The following SOX6 variants were observed in gnomAD, a reference collection of about 807,000 sequenced individuals.
SOX6 encodes SRY-box transcription factor 6.
Under a neutral mutation model 97.8 loss-of-function variants are expected in SOX6, and 11 were observed. The observed-to-expected ratio is 0.11, with a 90% CI of 0.07 to 0.19. The LOEUF is 0.19. Among genes scored for constraint, SOX6 ranks in the 10% least tolerant of loss-of-function variants. SOX6 has a pLI of 1.00. For synonymous variants in SOX6, 360 were observed against 371.4 expected (o/e 0.97, Z 0.35); for missense variants, 810 against 1,039.5 (o/e 0.78, Z 3.04).
intron 4 of SOX6, among the ~76,000 whole-genome samples, chr11:16,493,539 A>G (rs1047807329): frequency 2.6e-5 from 4 of 152,198 alleles, no homozygotes; most frequent in African/African-American, 9.7e-5. Flanking sequence ...CGGGTAATAT[A>G]AACATTCTAC....
intron 4 of SOX6, among the ~76,000 whole-genome samples, chr11:16,523,539 T>C (rs1489367512): frequency 6.6e-6 from 1 of 151,550 alleles, no homozygotes; most frequent in Non-Finnish European, 1.5e-5. Flanking sequence ...AGGAAAGATC[T>C]AAAATTGACA....
At chr11:16,085,355 T>C (rs941768055) in intron 9 of SOX6, among the ~76,000 whole-genome samples, 2 of 152,134 alleles carry the variant, frequency 1.3e-5, no homozygotes, top group Non-Finnish European at 2.9e-5. Flanking sequence ...GCAGACCAAG[T>C]GATAAACTAT....
chr11:16,091,442 C>T (rs2133968078), intron 9 of SOX6, among the ~76,000 whole-genome samples: 1 of 152,052 alleles, frequency 6.6e-6, no homozygotes, highest in Middle Eastern at 3.4e-3. Flanking sequence ...TTTACAATTG[C>T]AAATAAGAAG....
At chr11:16,232,360 GAATA>G (rs1852879289) in intron 4 of SOX6, among the ~76,000 whole-genome samples, 1 of 151,636 alleles carries the variant, frequency 6.6e-6, no homozygotes, top group Admixed American at 6.6e-5. Context: ...TGATAATGGA[GAATA>G]AATAAAGATA....
At chr11:16,497,151 C>G (rs1860614221) in intron 4 of SOX6, among the ~76,000 whole-genome samples, 1 of 152,180 alleles carries the variant, frequency 6.6e-6, no homozygotes, top group Non-Finnish European at 1.5e-5. Flanking sequence ...GCAACATTTG[C>G]TGTTCACCAA....
In SOX6 at chr11:15,972,974, C is replaced by T. The variant is rs1421836679; in HGVS notation, c.2322G>A (p.Pro774=). 3.3e-5 allele frequency: 54 copies of T among 1,614,062 alleles called. No homozygotes were observed. The highest frequency in any genetic ancestry group is 5.0e-5 in the Admixed American group (3 of 59,990). The change falls in exon 16 of 16, where the codon CCG becomes CCA. Residue 774 remains proline (P), a synonymous_variant. Coordinates refer to ENST00000683767, the MANE Select transcript of SOX6 (RefSeq NM_001367873.1). ...TCATACCATAAGTGCTCTGGATGAC[C>T]GGGAGGCTGGGCTCCGGGCTGGCCG... ...STSASPEPSL[P]VIQSTYGMKT...
intron 4 of SOX6, among the ~76,000 whole-genome samples, chr11:16,526,067 T>A (rs1590233701): frequency 6.6e-6 from 1 of 152,098 alleles, no homozygotes; most frequent in African/African-American, 2.4e-5. Flanking sequence ...ATTGTGGAAG[T>A]CAGTGTGGCG....
At chr11:16,481,178 T>A (rs1176753673), upstream of SOX6, among the ~76,000 whole-genome samples, 4 of 152,160 alleles carry the variant, frequency 2.6e-5, no homozygotes, top group Non-Finnish European at 5.9e-5. Context: ...ATTAAACCCA[T>A]GTTTATTGAA....
chr11:16,648,156 G>A (rs1423060465), intron 3 of SOX6, among the ~76,000 whole-genome samples: 1 of 152,050 alleles, frequency 6.6e-6, no homozygotes, highest in Admixed American at 6.5e-5. Flanking sequence ...TCATGGCCTG[G>A]GGTAAGGTTT....
At chr11:16,568,783 A>C (rs1847904639) in intron 4 of SOX6, among the ~76,000 whole-genome samples, 1 of 152,186 alleles carries the variant, frequency 6.6e-6, no homozygotes, top group Non-Finnish European at 1.5e-5. Context: ...AAAAATATTC[A>C]TAACATTATA....
intron 3 of SOX6, among the ~76,000 whole-genome samples, chr11:16,693,645 T>A (rs1213712886): frequency 1.3e-5 from 2 of 152,164 alleles, no homozygotes; most frequent in Non-Finnish European, 2.9e-5. Context: ...ATGTTCTTTG[T>A]CACAATTTTC....
intron 3 of SOX6, among the ~76,000 whole-genome samples, chr11:16,617,086 T>TA (rs1311283016): frequency 1.9e-4 from 29 of 151,870 alleles, no homozygotes; most frequent in Non-Finnish European, 8.9e-5. Flanking sequence ...AAATGAAAGC[T>TA]AAAAAATAAG....
At chr11:16,120,953 T>C (rs1247947188) in intron 6 of SOX6, among the ~76,000 whole-genome samples, 1 of 149,974 alleles carries the variant, frequency 6.7e-6, no homozygotes, top group Middle Eastern at 3.4e-3. Flanking sequence ...GTACATGTTT[T>C]AAAAATCTTC....
At chr11:16,620,755 TGAAG>T (rs1848535059) in intron 3 of SOX6, among the ~76,000 whole-genome samples, 1 of 152,118 alleles carries the variant, frequency 6.6e-6, no homozygotes, top group African/African-American at 2.4e-5. Context: ...AATAGAAAAA[TGAAG>T]TACCAACCCA....
chr11:16,407,094 T>C (rs1858702208), intron 1 of SOX6, among the ~76,000 whole-genome samples: 1 of 152,116 alleles, frequency 6.6e-6, no homozygotes, highest in Admixed American at 6.6e-5. Context: ...GATGCTTCCC[T>C]TCCACTGACA....
At chr11:16,516,821 C>G (rs1428784870) in intron 4 of SOX6, among the ~76,000 whole-genome samples, 1 of 151,388 alleles carries the variant, frequency 6.6e-6, no homozygotes, top group Non-Finnish European at 1.5e-5. Flanking sequence ...CTCCCTAACT[C>G]ATTTTATGAG....
chr11:16,222,291 T>C (rs879626536), intron 4 of SOX6, among the ~76,000 whole-genome samples: 9 of 152,136 alleles, frequency 5.9e-5, no homozygotes, highest in African/African-American at 1.7e-4. Context: ...TAGCTCACTG[T>C]AGCCCTGAAC....
At chr11:16,531,441 G>A (rs1158797696) in intron 4 of SOX6, among the ~76,000 whole-genome samples, 1 of 151,924 alleles carries the variant, frequency 6.6e-6, no homozygotes, top group East Asian at 1.9e-4. Context: ...CAAGCTGAAT[G>A]TATTAAATTC....
intron 3 of SOX6, among the ~76,000 whole-genome samples, chr11:16,669,704 C>T (rs1031260260): frequency 9.2e-5 from 14 of 152,146 alleles, no homozygotes; most frequent in Non-Finnish European, 4.4e-5. Context: ...AGGGGCTCAT[C>T]CCAACCCCCA....
Sources: allele counts gnomAD v4.1 joint callset (sites outside exome capture counted in the v4.1 genomes callset), GRCh38; gene constraint gnomAD v4.1.1; transcripts MANE v1.5; gene names NCBI Gene and HGNC (gene_info 2026-07-23, HGNC 2026-07-21).